The following SPATA16 variants were observed in gnomAD, a reference collection of about 807,000 sequenced individuals.
SPATA16 encodes the protein spermatogenesis-associated protein 16.
In SPATA16, 36 loss-of-function variants were observed where a neutral mutation model predicts 63.3. The ratio of observed to expected loss-of-function variants is 0.57; its 90% CI spans 0.44 to 0.75. The LOEUF (loss-of-function observed/expected upper bound fraction) is 0.75, where lower values mean the gene tolerates loss of function less well. SPATA16 is among the 30% of genes least tolerant of loss of function. SPATA16 has a pLI of 0.00. For missense variants in SPATA16, 646 were observed against 679.3 expected, an observed-to-expected ratio of 0.95 and a Z score of 0.54; for synonymous variants, 203 against 216.7, an observed-to-expected ratio of 0.94 and a Z score of 0.56.
chr3:172,996,737 A>C (rs187668812), intron 4 of SPATA16, among the ~76,000 whole-genome samples: 1 of 152,090 alleles, frequency 6.6e-6, no homozygotes, highest in East Asian at 1.9e-4. Context: ...AATGATATAT[A>C]TCCTTCATTG....
chr3:173,081,388 T>C (rs1284426189), intron 2 of SPATA16, among the ~76,000 whole-genome samples: 1 of 152,198 alleles, frequency 6.6e-6, no homozygotes, highest in Non-Finnish European at 1.5e-5. Context: ...CTCCAGCTGA[T>C]GCAGATCAAT....
Position 173,049,060 on chromosome 3 carries a change from A to G in SPATA16, c.647T>C (p.Phe216Ser). 3.1e-6 allele frequency: 5 copies of G among 1,613,758 alleles called. No homozygotes were observed. Among genetic ancestry groups the G allele is most frequent in the Non-Finnish European group, 3.4e-6 (4 of 1,179,758 alleles). Residue 216 changes from phenylalanine to serine, a missense_variant, in exon 3 of 11, where the codon TTT becomes TCT. Transcript: ENST00000351008. ...CSKGAVLGEP[F>S]DAPAEDIASV... is the part of the protein sequence containing the mutation. ...TGCTATATCTTCAGCAGGTGCATCA[A>G]ATGGTTCTCCCAGAACTGCTCCTTT...
At chr3:173,016,613 A>G (rs559775301) in intron 4 of SPATA16, among the ~76,000 whole-genome samples, 8 of 152,344 alleles carry the variant, frequency 5.3e-5, no homozygotes, top group Admixed American at 1.3e-4. Flanking sequence ...GTAGCATGCT[A>G]CAGGAAATAA....
rs555761435 is a variant in SPATA16, at chr3:172,969,886, A to T, written c.933+7082T>A. On this transcript the variant is annotated intron_variant, in intron 5 of 10. Coordinates refer to ENST00000351008, the MANE Select transcript of SPATA16 (RefSeq NM_031955.6). Reference sequence around the variant, plus strand: ...ATATGGTTTGGCTTTCTCTCTTGGAATCCTGCATTTTGCCATAAAAAGAAC... The same window carrying T: ...ATATGGTTTGGCTTTCTCTCTTGGATTCCTGCATTTTGCCATAAAAAGAAC... Among the ~76,000 whole-genome samples the T allele has an allele frequency of 7.9e-5, 12 of 152,292 alleles. No individual in the cohort carries two copies. The East Asian group carries it at 1.9e-3, about 24-fold the overall frequency.
intron 2 of SPATA16, among the ~76,000 whole-genome samples, chr3:173,100,631 G>A (rs1737466181): frequency 6.7e-6 from 1 of 149,918 alleles, no homozygotes; most frequent in Non-Finnish European, 1.5e-5. Context: ...CCAAAATAGA[G>A]TGTATTAAAA....
intron 2 of SPATA16, among the ~76,000 whole-genome samples, chr3:173,057,245 GGGAC>G (rs1373905794): frequency 6.6e-6 from 1 of 151,688 alleles, no homozygotes; most frequent in Non-Finnish European, 1.5e-5. Context: ...CTGAGTAGCT[GGGAC>G]TACAGGTGCC....
chr3:172,896,081 T>G (rs2109542015), intron 10 of SPATA16, among the ~76,000 whole-genome samples: 1 of 151,768 alleles, frequency 6.6e-6, no homozygotes, highest in Admixed American at 6.6e-5. Context: ...TGGGTGGAGG[T>G]TACAAGGTCA....
intron 4 of SPATA16, among the ~76,000 whole-genome samples, chr3:172,992,477 AAG>A (rs1734599967): frequency 1.3e-5 from 2 of 152,158 alleles, no homozygotes; most frequent in Admixed American, 1.3e-4. Context: ...GAGGACTTGA[AAG>A]AGAAAAAGCA....
At chr3:173,138,259 C>G (rs1415032961) in intron 1 of SPATA16, among the ~76,000 whole-genome samples, 1 of 151,970 alleles carries the variant, frequency 6.6e-6, no homozygotes, top group Middle Eastern at 3.2e-3. Flanking sequence ...CAGATGAACA[C>G]CCACAATGTG....
At chr3:173,139,104 G>A (rs1201862620) in intron 1 of SPATA16, among the ~76,000 whole-genome samples, 1 of 152,312 alleles carries the variant, frequency 6.6e-6, no homozygotes, top group South Asian at 2.1e-4. Flanking sequence ...TCTGCCTCAT[G>A]TAATTGTTGA....
chr3:172,913,808 C>A, intron 9 of SPATA16, 64 bp from the exon 10 acceptor site: 1 of 1,379,758 alleles, frequency 7.2e-7, no homozygotes, highest in Non-Finnish European at 1.0e-6. Context: ...TCTAAATACA[C>A]AGATTAAAAC....
At position 172,945,629 on chromosome 3, in the gene SPATA16, T is replaced by C. The variant is rs551211417; in HGVS notation, c.1081+11048A>G. On this transcript the variant is annotated intron_variant, in intron 6 of 10. Coordinates refer to ENST00000351008, the MANE Select transcript of SPATA16 (RefSeq NM_031955.6). ...CTTTGTATTGGAACTCAGTGCTGCC[T>C]TGTCACAATGGAAAGCAACATGGGG... Among the ~76,000 whole-genome samples, 5 of 152,116 alleles carry C rather than the reference T, an allele frequency of 3.3e-5. No individual in the cohort carries two copies. In the South Asian group the frequency reaches 8.3e-4, roughly 25 times the overall value.
At position 172,889,800 on chromosome 3, in the gene SPATA16, T is replaced by C; in HGVS notation, c.1588-108A>G. ...AATAAATGGCACATACAAATCCATG[T>C]TGGAACAGAACTGGCAGAAACAGAA... On this transcript the variant is annotated intron_variant, in intron 10 of 10. Transcript: ENST00000351008. 2.1e-6 allele frequency: 3 copies of C among 1,461,228 alleles called. No individual in the cohort carries two copies. In the South Asian group the frequency reaches 3.7e-5, roughly 18 times the overall value. The allele number at this position is 1,461,228 out of a possible 1,614,324, so 90.5% of individuals were successfully genotyped here.
At chr3:172,928,921 G>A (rs372439476) in intron 6 of SPATA16, among the ~76,000 whole-genome samples, 116 of 152,004 alleles carry the variant, frequency 7.6e-4, no homozygotes, top group African/African-American at 2.7e-3. Flanking sequence ...CCTAACAGGT[G>A]GTCTATGACC....
chr3:172,960,987 T>G (rs1384876787), intron 5 of SPATA16, among the ~76,000 whole-genome samples: 1 of 149,908 alleles, frequency 6.7e-6, no homozygotes, highest in Non-Finnish European at 1.5e-5. Flanking sequence ...CTCTTTCTCT[T>G]TCTTTTTTCT....
chr3:172,903,614 C>A (rs1223368194), intron 10 of SPATA16, among the ~76,000 whole-genome samples: 10 of 152,196 alleles, frequency 6.6e-5, no homozygotes. Flanking sequence ...GAGTGACCCT[C>A]AGGGCGACAG....
chr3:173,083,889 T>C (rs71310539), intron 2 of SPATA16, among the ~76,000 whole-genome samples: 23,837 of 152,214 alleles, frequency 0.16, 2,067 homozygotes, highest in South Asian at 0.29. Context: ...CAGTCTATCA[T>C]TGATGGGCAT....
chr3:172,901,916 A>T (rs149702703), intron 10 of SPATA16, among the ~76,000 whole-genome samples: 2 of 152,232 alleles, frequency 1.3e-5, no homozygotes, highest in African/African-American at 4.8e-5. Flanking sequence ...CTCCTCCAAC[A>T]CCATACCAGC....
intron 2 of SPATA16, among the ~76,000 whole-genome samples, chr3:173,106,746 G>A (rs1737630764): frequency 6.6e-6 from 1 of 151,844 alleles, no homozygotes; most frequent in African/African-American, 2.4e-5. Flanking sequence ...CTTTCACCAA[G>A]TTCACCATCC....
Sources: allele counts gnomAD v4.1 joint callset (sites outside exome capture counted in the v4.1 genomes callset), GRCh38; gene constraint gnomAD v4.1.1; transcripts MANE v1.5; gene names NCBI Gene and HGNC (gene_info 2026-07-23, HGNC 2026-07-21).